Variants in TMEM132D observed in about 807,000 individuals in gnomAD.
TMEM132D encodes transmembrane protein 132D, also known as mature OL transmembrane protein.
TMEM132D carries 21 observed loss-of-function variants against 62.3 expected under a neutral mutation model. The ratio of observed to expected loss-of-function variants is 0.34; its 90% confidence interval spans 0.24 to 0.49. The LOEUF (loss-of-function observed/expected upper bound fraction) is 0.49, where lower values mean the gene tolerates loss of function less well. Ranked by LOEUF, TMEM132D falls within the 20% of genes least tolerant of loss-of-function variation. The pLI, the probability that TMEM132D is intolerant of heterozygous loss-of-function variation, is 0.99. For synonymous variants in TMEM132D, 621 were observed against 575.6 expected (o/e 1.08, Z -1.13); for missense variants, 1,346 against 1,402.8 (o/e 0.96, Z 0.65).
chr12:129,769,652 G>C (rs144160081), intron 1 of TMEM132D, among the ~76,000 whole-genome samples: 267 of 152,308 alleles, frequency 1.8e-3, no homozygotes, highest in African/African-American at 6.2e-3. Flanking sequence ...CAGGAAAAGA[G>C]AGTCTTGGGG....
At position 129,677,488 on chromosome 12, in the gene TMEM132D, T is replaced by C. The variant is rs554565728; in HGVS notation, c.968+22322A>G. Reference sequence around the variant, plus strand: ...GAGAACAGACTGATACAACAGTGAATGTTGCTGTGAAGAGGTCTAAAGCCA... The same window carrying C: ...GAGAACAGACTGATACAACAGTGAACGTTGCTGTGAAGAGGTCTAAAGCCA... On this transcript the variant is annotated intron_variant, in intron 2 of 8. Transcript: ENST00000422113. Among the ~76,000 whole-genome samples the C allele has an allele frequency of 8.5e-5, 13 of 152,354 alleles. No individual in the cohort carries two copies. The South Asian group carries it at 2.7e-3, about 32-fold the overall frequency.
chr12:129,718,169 G>A (rs1868661896), intron 1 of TMEM132D, among the ~76,000 whole-genome samples: 2 of 152,216 alleles, frequency 1.3e-5, no homozygotes, highest in Admixed American at 1.3e-4. Context: ...TCTGGGGGCT[G>A]ATGATCATTA....
intron 2 of TMEM132D, among the ~76,000 whole-genome samples, chr12:129,640,078 ACG>A (rs953036260): frequency 4.9e-5 from 7 of 142,902 alleles, no homozygotes; most frequent in Non-Finnish European, 7.7e-5. Context: ...ACACACACAC[ACG>A]TAGAAATTCC....
At chr12:129,543,803 C>A (rs1476332509) in intron 2 of TMEM132D, among the ~76,000 whole-genome samples, 1 of 152,178 alleles carries the variant, frequency 6.6e-6, no homozygotes, top group Non-Finnish European at 1.5e-5. Flanking sequence ...CGATGTAAAG[C>A]ATTTATAGAT....
In TMEM132D at chr12:129,514,134, C is replaced by T. The variant is rs148623833; in HGVS notation, c.1115+16925G>A. Among the ~76,000 whole-genome samples, 83 of 152,202 alleles carry T rather than the reference C, an allele frequency of 5.5e-4. 4 individuals carry two copies. The highest frequency in any genetic ancestry group is 3.4e-3 in the Middle Eastern group (1 of 294). ...GATTACAGGCGTGAGCCACCGAGCC[C>T]GGCCAATGGGGACCAAATTTTAATA... On this transcript the variant is annotated intron_variant, in intron 3 of 8. Coordinates refer to ENST00000422113, the MANE Select transcript of TMEM132D (RefSeq NM_133448.3).
At chr12:129,714,651 T>C (rs371036752) in intron 1 of TMEM132D, among the ~76,000 whole-genome samples, 1 of 152,236 alleles carries the variant, frequency 6.6e-6, no homozygotes, top group South Asian at 2.1e-4. Context: ...TATTTCACAG[T>C]GTATATGCAT....
At chr12:129,617,225 T>C (rs12826613) in intron 2 of TMEM132D, among the ~76,000 whole-genome samples, 56,287 of 152,048 alleles carry the variant, frequency 0.37, 11,151 homozygotes, top group Middle Eastern at 0.49. Context: ...ACCACTGGCT[T>C]TGCTTACAAA....
At chr12:129,704,726 C>G (rs1462875941) in intron 1 of TMEM132D, among the ~76,000 whole-genome samples, 1 of 152,140 alleles carries the variant, frequency 6.6e-6, no homozygotes, top group Non-Finnish European at 1.5e-5. Flanking sequence ...CAAGGCTGCC[C>G]TCGGTGAAGG....
At chr12:129,439,142 C>G (rs1457477907) in intron 3 of TMEM132D, among the ~76,000 whole-genome samples, 1 of 152,168 alleles carries the variant, frequency 6.6e-6, no homozygotes, top group Non-Finnish European at 1.5e-5. Context: ...AGTGAAGGAG[C>G]ATTTGGGACA....
At chr12:129,087,914 T>C (rs1874683664) in intron 5 of TMEM132D, among the ~76,000 whole-genome samples, 1 of 116,458 alleles carries the variant, frequency 8.6e-6, no homozygotes, top group Admixed American at 8.8e-5. Context: ...GACCGGGGTG[T>C]CCTCCCTGAC....
chr12:129,794,473 A>T (rs921730956), intron 1 of TMEM132D, among the ~76,000 whole-genome samples: 7 of 152,058 alleles, frequency 4.6e-5, no homozygotes, highest in African/African-American at 1.7e-4. Context: ...GCCTGGTTAT[A>T]CTTATTCATT....
chr12:129,238,996 G>GGTTTTTT lies in TMEM132D; in HGVS notation c.1300-29334_1300-29333insAAAAAAC, dbSNP rs374959544. Among the ~76,000 whole-genome samples, 624 of 132,916 alleles carry GGTTTTTT rather than the reference G, an allele frequency of 4.7e-3. 16 individuals carry two copies. Among genetic ancestry groups the GGTTTTTT allele is most frequent in the Non-Finnish European group, 5.6e-3 (350 of 62,212 alleles). The allele number at this position is 132,916 out of a possible 152,430, so 87.2% of individuals were successfully genotyped here. A position where few individuals can be genotyped will look rare whatever the true frequency, so the allele number is the denominator to read the frequency against. Reference sequence around the variant, plus strand: ...TCCTCATCAACATTTGTTATTTTCTGTTTTTTTTTTTTTTTTGGACAGTAA... The same window carrying GGTTTTTT: ...TCCTCATCAACATTTGTTATTTTCTGGTTTTTTTTTTTTTTTTTTTTTTGGACAGTAA... On this transcript the variant is annotated intron_variant, in intron 4 of 8. Transcript: ENST00000422113.
intron 2 of TMEM132D, among the ~76,000 whole-genome samples, chr12:129,611,638 C>T (rs907541958): frequency 6.6e-6 from 1 of 152,196 alleles, no homozygotes; most frequent in African/African-American, 2.4e-5. Flanking sequence ...TGTAATGCCA[C>T]CATCTCAACA....
At position 129,277,047 on chromosome 12, in the gene TMEM132D, C is replaced by G. The variant is rs1329326646; in HGVS notation, c.1299+60587G>C. ...GTCTTGGAGGAGATTCTAAGTCTGA[C>G]CAAAGGCTAAGGCTTCCAAAGCCAG... is the stretch of plus-strand genomic sequence containing the variant. On this transcript the variant is annotated intron_variant, in intron 4 of 8. Transcript: ENST00000422113. The surrounding 1 kb of genome is among the most constrained non-coding windows in gnomAD (Gnocchi z 4.2). Among the ~76,000 whole-genome samples the G allele has an allele frequency of 1.3e-5, 2 of 152,116 alleles. No individual in the cohort carries two copies. Among genetic ancestry groups the G allele is most frequent in the Non-Finnish European group, 2.9e-5 (2 of 68,038 alleles).
At chr12:129,708,623 AAAAAAAAACAC>A (rs1881560777) in intron 1 of TMEM132D, among the ~76,000 whole-genome samples, 1 of 90,126 alleles carries the variant, frequency 1.1e-5, no homozygotes, top group East Asian at 8.3e-4. Flanking sequence ...AAAAAAAAAA[AAAAAAAAACAC>A]ACACACACAC....
At chr12:129,131,001 T>A (rs1351368514) in intron 5 of TMEM132D, among the ~76,000 whole-genome samples, 1 of 152,154 alleles carries the variant, frequency 6.6e-6, no homozygotes, top group Non-Finnish European at 1.5e-5. Context: ...GCATCAGCAC[T>A]GTAAGTTACC....
intron 3 of TMEM132D, among the ~76,000 whole-genome samples, chr12:129,525,011 C>T (rs1167582805): frequency 7.0e-6 from 1 of 141,876 alleles, no homozygotes. Flanking sequence ...CTGCAAGCTC[C>T]GCCTCCCGGG....
chr12:129,209,537 C>G lies in TMEM132D; in HGVS notation c.1426G>C (p.Asp476His). 1 of 1,586,264 alleles carries G rather than the reference C, an allele frequency of 6.3e-7. No homozygotes were observed. The highest frequency in any genetic ancestry group is 8.6e-7 in the Non-Finnish European group (1 of 1,167,810). ...CAACTTGCCTTAATCACGTCTTCATCAGACGATCTACACTCCACAGACTCC... is the reference window on the plus strand; with the variant it reads ...CAACTTGCCTTAATCACGTCTTCATGAGACGATCTACACTCCACAGACTCC... ...LLESVECRSS[D>H]EDVIKVSDRC... Residue 476 changes from aspartate to histidine, a missense_variant, in exon 5 of 9, where the codon GAT (aspartate) becomes CAT (histidine). Physicochemically the swap from Asp to His is moderately conservative, Grantham distance 81. Transcript: ENST00000422113.
At chr12:129,232,855 AG>A (rs1690240187) in intron 4 of TMEM132D, among the ~76,000 whole-genome samples, 1 of 152,108 alleles carries the variant, frequency 6.6e-6, no homozygotes, top group Non-Finnish European at 1.5e-5. Context: ...GAGAGCACAA[AG>A]GAGGAAGTAC....
Sources: gnomAD v4.1 joint callset for allele counts (sites outside exome capture counted in the v4.1 genomes callset) on GRCh38, gnomAD v4.1.1 for gene constraint, Gnocchi (gnomAD v3.1) non-coding constraint, MANE v1.5 for transcripts, NCBI Gene and HGNC (gene_info 2026-07-23, HGNC 2026-07-21) for gene names.